The following FAM13A variants were observed in gnomAD, a reference collection of about 807,000 sequenced individuals.
FAM13A encodes the protein family with sequence similarity 13 member A, also known as protein FAM13A.
Under a neutral mutation model 129.6 loss-of-function variants are expected in FAM13A, and 76 were observed. That is an observed-to-expected ratio of 0.59 (90% confidence interval 0.49 to 0.71). FAM13A has a LOEUF of 0.71. FAM13A is among the 30% of genes least tolerant of loss of function. The pLI, the probability that FAM13A is intolerant of heterozygous loss-of-function variation, is 0.00. For missense variants in FAM13A, 1,108 were observed against 1,249.3 expected (o/e 0.89, Z 1.70); for synonymous variants, 443 against 449.9 (o/e 0.98, Z 0.20).
At position 88,818,733 on chromosome 4, in the gene FAM13A, A is replaced by G. The variant is rs58109008; in HGVS notation, c.1008-13681T>C. On this transcript the variant is annotated intron_variant, in intron 7 of 23. Coordinates refer to ENST00000264344, the MANE Select transcript of FAM13A (RefSeq NM_014883.4). ...GAGGCAGCTTTTAACTCCCTCCCAG[A>G]CTGTGTTTGTGGAGGGAGAGGGCAG... 6.0e-4 allele frequency among the ~76,000 whole-genome samples: 92 copies of G among 152,294 alleles called. 1 individual carries two copies. The highest frequency in any genetic ancestry group is 2.1e-3 in the African/African-American group (88 of 41,562).
At chr4:88,890,696 G>T (rs190026523) in intron 6 of FAM13A, among the ~76,000 whole-genome samples, 1 of 151,970 alleles carries the variant, frequency 6.6e-6, no homozygotes, top group East Asian at 1.9e-4. Flanking sequence ...ATACAGTAGA[G>T]AATCAACAAA....
intron 2 of FAM13A, among the ~76,000 whole-genome samples, chr4:89,023,626 A>G (rs1237945938): frequency 2.0e-5 from 3 of 152,200 alleles, no homozygotes; most frequent in Non-Finnish European, 4.4e-5. Context: ...AATAGAAGTG[A>G]CTGAATTTAA....
At chr4:88,740,168 A>G (rs1220111890) in intron 19 of FAM13A, among the ~76,000 whole-genome samples, 2 of 152,140 alleles carry the variant, frequency 1.3e-5, no homozygotes, top group Non-Finnish European at 2.9e-5. Flanking sequence ...TTGTTTGGCA[A>G]ATTCCAGATG....
intron 14 of FAM13A, among the ~76,000 whole-genome samples, chr4:88,751,787 A>C (rs574527764): frequency 1.3e-5 from 2 of 152,314 alleles, no homozygotes; most frequent in African/African-American, 4.8e-5. Context: ...AAGGTATTTC[A>C]TTTGTAATGT....
In FAM13A at chr4:88,787,837, G is replaced by A. The variant is rs1724283496; in HGVS notation, c.1187C>T (p.Thr396Ile). The A allele has an allele frequency of 1.9e-6, 3 of 1,613,552 alleles. No homozygotes were observed. The highest frequency in any genetic ancestry group is 2.5e-6 in the Non-Finnish European group (3 of 1,179,736). Reference sequence around the variant, plus strand: ...AGATGTGGCAGAAGATGCTGATAGTGTTCCAGATTCTGAGTCCTCTGAACT... The same window carrying A: ...AGATGTGGCAGAAGATGCTGATAGTATTCCAGATTCTGAGTCCTCTGAACT... ...GQSSEDSESG[T>I]LSASSATSAR... The change falls in exon 10 of 24, where the codon ACA becomes ATA. Residue 396 changes from threonine (T) to isoleucine (I), a missense_variant. By Grantham distance (89) the Thr-to-Ile change is moderately conservative. Coordinates refer to ENST00000264344, the MANE Select transcript of FAM13A (RefSeq NM_014883.4).
At chr4:88,942,810 A>T (rs1433081470) in intron 4 of FAM13A, among the ~76,000 whole-genome samples, 1 of 152,166 alleles carries the variant, frequency 6.6e-6, no homozygotes, top group Non-Finnish European at 1.5e-5. Flanking sequence ...TTACAAGGTG[A>T]AAAATTGAGC....
intron 23 of FAM13A, 103 bp downstream of exon 23, chr4:88,731,224 T>TC: frequency 6.5e-6 from 4 of 610,808 alleles, no homozygotes; most frequent in East Asian, 2.9e-5. Flanking sequence ...TGCAGAAGAG[T>TC]CCCCCCTTTG....
Position 88,913,186 on chromosome 4 carries a change from GGAGGAA to G in FAM13A, c.760-6730_760-6725del, listed in dbSNP as rs544695853. Reference sequence around the variant, plus strand: ...AGGAAGAAGAAGAGGAAGAAGTGGAGGAGGAAGAGGAAGAGGAAGAAGAACAGGAGG... The same window carrying G: ...AGGAAGAAGAAGAGGAAGAAGTGGAGGAGGAAGAGGAAGAAGAACAGGAGG... On this transcript the variant is annotated intron_variant, in intron 5 of 23. Transcript: ENST00000264344. Among the ~76,000 whole-genome samples the G allele has an allele frequency of 6.3e-4, 87 of 137,120 alleles. 1 individual carries two copies. Among genetic ancestry groups the G allele is most frequent in the African/African-American group, 2.2e-3 (80 of 36,414 alleles). The allele number at this position is 137,120 out of a possible 152,430, so 90.0% of individuals were successfully genotyped here.
intron 7 of FAM13A, among the ~76,000 whole-genome samples, chr4:88,813,500 A>G (rs900989973): frequency 6.6e-6 from 1 of 152,208 alleles, no homozygotes; most frequent in Non-Finnish European, 1.5e-5. Context: ...TCAAAACAAT[A>G]TGGGGATACC....
chr4:88,956,423 G>A (rs1479354757), intron 4 of FAM13A, among the ~76,000 whole-genome samples: 5 of 151,954 alleles, frequency 3.3e-5, no homozygotes, highest in Non-Finnish European at 7.4e-5. Context: ...GTTAATATAA[G>A]TATACTCTGT....
chr4:88,834,468 C>G (rs926905146), intron 7 of FAM13A, among the ~76,000 whole-genome samples: 2 of 152,006 alleles, frequency 1.3e-5, no homozygotes, highest in Non-Finnish European at 2.9e-5. Flanking sequence ...CAAAAAAGCA[C>G]TGAAATTAAC....
At chr4:89,011,544 G>A (rs1021601860) in intron 3 of FAM13A, among the ~76,000 whole-genome samples, 5 of 151,984 alleles carry the variant, frequency 3.3e-5, no homozygotes, top group African/African-American at 1.2e-4. Flanking sequence ...TATTATGTGA[G>A]ATCTTTCTTA....
intron 7 of FAM13A, among the ~76,000 whole-genome samples, chr4:88,828,713 T>G (rs1352218321): frequency 1.3e-5 from 2 of 152,200 alleles, no homozygotes; most frequent in African/African-American, 4.8e-5. Flanking sequence ...TCAAGCAATA[T>G]TCTACCCACT....
At chr4:88,732,369 G>A (rs901744643) in intron 21 of FAM13A, 171 bp from the exon 22 acceptor site, 7 of 478,106 alleles carry the variant, frequency 1.5e-5, no homozygotes, top group African/African-American at 4.0e-5. Flanking sequence ...ATCTGTATTC[G>A]ATATAAATAT....
At chr4:89,043,696 T>C (rs1209150918) in intron 1 of FAM13A, among the ~76,000 whole-genome samples, 4 of 152,052 alleles carry the variant, frequency 2.6e-5, no homozygotes, top group Non-Finnish European at 5.9e-5. Context: ...AACAAAATTT[T>C]AATAAGGATG....
chr4:88,881,431 G>A (rs952052248), intron 6 of FAM13A, among the ~76,000 whole-genome samples: 2 of 152,156 alleles, frequency 1.3e-5, no homozygotes, highest in East Asian at 1.9e-4. Context: ...AAGGGGGAGA[G>A]CACCACATCA....
rs886679757 is a variant in FAM13A at position 88,952,194 on chromosome 4, G to A, written c.606-13953C>T. On this transcript the variant is annotated intron_variant, in intron 4 of 23. Coordinates refer to ENST00000264344, the MANE Select transcript of FAM13A (RefSeq NM_014883.4). ...CCAGCAATCTTTTATATAAACAGCC[G>A]TTGAGATGGAACAACCAGAATGCTT... 6.6e-5 allele frequency among the ~76,000 whole-genome samples: 10 copies of A among 151,946 alleles called. No individual in the cohort carries two copies. In the South Asian group the frequency reaches 1.0e-3, roughly 16 times the overall value.
At chr4:89,042,734 T>C (rs1770317822) in intron 1 of FAM13A, among the ~76,000 whole-genome samples, 1 of 143,528 alleles carries the variant, frequency 7.0e-6, no homozygotes. Context: ...TAAAAGATAA[T>C]CCATTTAAAT....
chr4:89,035,757 C>A (rs559928360), intron 1 of FAM13A, among the ~76,000 whole-genome samples: 1 of 152,290 alleles, frequency 6.6e-6, no homozygotes, highest in Non-Finnish European at 1.5e-5. Flanking sequence ...CCTTTCCTCT[C>A]TTCCTCTTTC....
Sources: gnomAD v4.1 joint callset for allele counts (sites outside exome capture counted in the v4.1 genomes callset) on GRCh38, gnomAD v4.1.1 for gene constraint, MANE v1.5 for transcripts, NCBI Gene and HGNC (gene_info 2026-07-23, HGNC 2026-07-21) for gene names.